Variants in MCPH1 observed in about 807,000 individuals in gnomAD.
MCPH1 encodes the protein microcephalin.
Under a neutral mutation model 84.5 loss-of-function variants are expected in MCPH1, and 104 were observed. That is an observed-to-expected ratio of 1.23 (90% CI 1.05 to 1.45). MCPH1 has a LOEUF of 1.45. Among genes scored for constraint, MCPH1 ranks in the 40% most tolerant of loss-of-function variants. The pLI, the probability that MCPH1 is intolerant of heterozygous loss-of-function variation, is 0.00. For synonymous variants in MCPH1, 514 were observed against 366.8 expected, an observed-to-expected ratio of 1.40 and a Z score of -4.58; for missense variants, 1,498 against 1,005.7, an observed-to-expected ratio of 1.49 and a Z score of -6.62.
intron 12 of MCPH1, among the ~76,000 whole-genome samples, chr8:6,528,725 C>T (rs1376753891): frequency 6.6e-6 from 1 of 152,236 alleles, no homozygotes; most frequent in Non-Finnish European, 1.5e-5. Context: ...GATGTGATAT[C>T]ACATGCAAAT....
chr8:6,553,157 G>A (rs1823962042), intron 12 of MCPH1, among the ~76,000 whole-genome samples: 1 of 152,154 alleles, frequency 6.6e-6, no homozygotes, highest in Non-Finnish European at 1.5e-5. Context: ...CCACTCTGGT[G>A]CAGGATGTTG....
intron 3 of MCPH1, among the ~76,000 whole-genome samples, chr8:6,428,745 GCACA>G (rs59969242): frequency 9.3e-4 from 139 of 149,534 alleles, no homozygotes; most frequent in Middle Eastern, 3.5e-3. Flanking sequence ...ACGTGCGCAC[GCACA>G]CACACACACA....
chr8:6,583,075 G>A (rs1039468740), intron 12 of MCPH1, among the ~76,000 whole-genome samples: 2 of 152,036 alleles, frequency 1.3e-5, no homozygotes, highest in African/African-American at 4.8e-5. Context: ...CAAAACTCCT[G>A]GGGTAAAAAT....
At chr8:6,408,471 C>T (rs912391380) in intron 1 of MCPH1, among the ~76,000 whole-genome samples, 1 of 152,104 alleles carries the variant, frequency 6.6e-6, no homozygotes, top group Non-Finnish European at 1.5e-5. Flanking sequence ...ATCCTCCCGC[C>T]TCCACCTTGC....
intron 3 of MCPH1, among the ~76,000 whole-genome samples, chr8:6,416,269 G>A (rs978880354): frequency 1.1e-4 from 12 of 109,356 alleles, no homozygotes; most frequent in African/African-American, 4.1e-4. Context: ...TAGTCTGGCC[G>A]CATGTTATGT....
chr8:6,408,475 A>G (rs533487676), intron 1 of MCPH1, among the ~76,000 whole-genome samples: 2 of 151,852 alleles, frequency 1.3e-5, no homozygotes, highest in Admixed American at 1.3e-4. Context: ...TCCCGCCTCC[A>G]CCTTGCAAAA....
intron 1 of MCPH1, among the ~76,000 whole-genome samples, chr8:6,408,933 T>C (rs991930424): frequency 6.6e-6 from 1 of 151,640 alleles, no homozygotes. Context: ...TCACCCAGGC[T>C]GGAGTGCAAT....
intron 13 of MCPH1, among the ~76,000 whole-genome samples, chr8:6,639,660 C>G (rs1397087385): frequency 6.8e-6 from 1 of 147,212 alleles, no homozygotes; most frequent in Non-Finnish European, 1.5e-5. Context: ...AAGATCCTGT[C>G]TCTTTAAAAA....
At chr8:6,541,030 TGCCGAGGA>T (rs60427402) in intron 12 of MCPH1, among the ~76,000 whole-genome samples, 57,556 of 151,764 alleles carry the variant, frequency 0.38, 11,559 homozygotes, top group Middle Eastern at 0.5. Flanking sequence ...CTTGCGAGAG[TGCCGAGGA>T]GGCTCTCATG....
At chr8:6,528,804 C>A (rs144637336) in intron 12 of MCPH1, among the ~76,000 whole-genome samples, 102 of 152,340 alleles carry the variant, frequency 6.7e-4, no homozygotes, top group African/African-American at 2.1e-3. Flanking sequence ...GTCTTTATGT[C>A]ATTTGCAGGA....
intron 12 of MCPH1, among the ~76,000 whole-genome samples, chr8:6,535,262 T>C (rs1317754282): frequency 6.6e-6 from 1 of 152,238 alleles, no homozygotes; most frequent in East Asian, 1.9e-4. Context: ...GAGTCAGATG[T>C]GTTTGCAACT....
intron 12 of MCPH1, among the ~76,000 whole-genome samples, chr8:6,599,653 G>A (rs1384295819): frequency 6.6e-6 from 1 of 152,188 alleles, no homozygotes; most frequent in Non-Finnish European, 1.5e-5. Context: ...ATTCTCAGGT[G>A]CTTGTTGAGT....
At chr8:6,436,329 G>C (rs1802633088) in intron 5 of MCPH1, among the ~76,000 whole-genome samples, 167 bp downstream of exon 5, 1 of 152,196 alleles carries the variant, frequency 6.6e-6, no homozygotes, top group South Asian at 2.1e-4. Flanking sequence ...GACTTGGCTG[G>C]GAGCCATAAT....
At chr8:6,458,563 G>A (rs1244736385) in intron 9 of MCPH1, among the ~76,000 whole-genome samples, 1 of 151,900 alleles carries the variant, frequency 6.6e-6, no homozygotes, top group Non-Finnish European at 1.5e-5. Context: ...TAGCAATATA[G>A]ATGAAGGACG....
chr8:6,627,132 C>T (rs1160826810), intron 13 of MCPH1: 3 of 984,354 alleles, frequency 3.0e-6, no homozygotes, highest in East Asian at 1.2e-4. Flanking sequence ...TTCATCGTTT[C>T]CCCTAATGAC....
At chr8:6,521,510 G>A (rs1586327091) in intron 12 of MCPH1, 3 of 878,706 alleles carry the variant, frequency 3.4e-6, no homozygotes, top group Non-Finnish European at 5.1e-6. Flanking sequence ...TTAAGATATT[G>A]TAGTGGTTAT....
intron 12 of MCPH1, among the ~76,000 whole-genome samples, chr8:6,515,200 C>T (rs1816020549): frequency 7.2e-6 from 1 of 138,940 alleles, no homozygotes; most frequent in African/African-American, 2.6e-5. Flanking sequence ...AAACCTTTCA[C>T]TAAATGCCAG....
intron 2 of MCPH1, among the ~76,000 whole-genome samples, chr8:6,414,171 A>G (rs1171006391): frequency 6.6e-6 from 1 of 151,862 alleles, no homozygotes; most frequent in Non-Finnish European, 1.5e-5. Flanking sequence ...TTGCACCCGG[A>G]TAATTTTTGT....
intron 12 of MCPH1, among the ~76,000 whole-genome samples, chr8:6,581,856 A>G (rs890578495): frequency 1.3e-5 from 2 of 152,158 alleles, no homozygotes; most frequent in Non-Finnish European, 2.9e-5. Flanking sequence ...TTCCTGGTTC[A>G]TAGATGGCGC....
Sources: gnomAD v4.1 joint callset for allele counts (sites outside exome capture counted in the v4.1 genomes callset) on GRCh38, gnomAD v4.1.1 for gene constraint, MANE v1.5 for transcripts, NCBI Gene and HGNC (gene_info 2026-07-23, HGNC 2026-07-21) for gene names.